The following SPATA17 variants were observed in gnomAD, a reference collection of about 807,000 sequenced individuals.
The protein encoded by SPATA17 is spermatogenesis associated 17.
SPATA17 carries 53 observed loss-of-function variants against 62.2 expected under a neutral mutation model. The observed-to-expected ratio is 0.85, with a 90% CI of 0.68 to 1.07. The LOEUF (loss-of-function observed/expected upper bound fraction) is 1.07. Ranked by LOEUF, SPATA17 falls within the 50% of genes least tolerant of loss-of-function variation. The pLI, the probability that SPATA17 is intolerant of heterozygous loss-of-function variation, is 0.00. For missense variants in SPATA17, 466 were observed against 425.5 expected (o/e 1.10, Z -0.84); for synonymous variants, 146 against 146.8 (o/e 0.99, Z 0.04).
chr1:217,632,177 T>C (rs1296223329), intron 1 of SPATA17, among the ~76,000 whole-genome samples: 1 of 150,798 alleles, frequency 6.6e-6, no homozygotes, highest in Non-Finnish European at 1.5e-5. Flanking sequence ...ATTAAGACCC[T>C]GTCTCAATAA....
At chr1:217,796,497 G>T (rs555499409) in intron 8 of SPATA17, among the ~76,000 whole-genome samples, 62 of 152,122 alleles carry the variant, frequency 4.1e-4, no homozygotes, top group Non-Finnish European at 6.9e-4. Flanking sequence ...TTACTGTTTA[G>T]TTGAACAGAT....
At chr1:217,807,245 T>C (rs1000875544) in intron 9 of SPATA17, among the ~76,000 whole-genome samples, 1 of 141,820 alleles carries the variant, frequency 7.1e-6, no homozygotes, top group Admixed American at 7.0e-5. Flanking sequence ...GATACTGGGG[T>C]CTCCAAAAGA....
intron 5 of SPATA17, among the ~76,000 whole-genome samples, chr1:217,689,395 T>G (rs931326075): frequency 6.6e-6 from 1 of 151,860 alleles, no homozygotes; most frequent in African/African-American, 2.4e-5. Flanking sequence ...CCGGCTAATT[T>G]TCATATTTTT....
chr1:217,842,112 G>C (rs1166061592), intron 9 of SPATA17, among the ~76,000 whole-genome samples: 1 of 151,766 alleles, frequency 6.6e-6, no homozygotes, highest in East Asian at 1.9e-4. Flanking sequence ...TTCTGTTATA[G>C]TGAATTATGC....
At chr1:217,828,272 G>A (rs1286850939) in intron 9 of SPATA17, among the ~76,000 whole-genome samples, 1 of 151,746 alleles carries the variant, frequency 6.6e-6, no homozygotes, top group Non-Finnish European at 1.5e-5. Flanking sequence ...GAAATAAATT[G>A]AAACATATGT....
At chr1:217,776,310 C>T (rs1673587484) in intron 7 of SPATA17, among the ~76,000 whole-genome samples, 1 of 152,162 alleles carries the variant, frequency 6.6e-6, no homozygotes, top group Non-Finnish European at 1.5e-5. Context: ...CATGTAGTAT[C>T]AACTACCTTG....
intron 5 of SPATA17, among the ~76,000 whole-genome samples, chr1:217,686,327 A>G (rs1671213710): frequency 6.6e-6 from 1 of 152,154 alleles, no homozygotes; most frequent in Non-Finnish European, 1.5e-5. Context: ...AATTTATTAG[A>G]GTCCATTTTC....
At chr1:217,750,649 T>C (rs1262270528) in intron 6 of SPATA17, among the ~76,000 whole-genome samples, 1 of 152,186 alleles carries the variant, frequency 6.6e-6, no homozygotes, top group Non-Finnish European at 1.5e-5. Flanking sequence ...GGGAGGTAGA[T>C]TCATACGTTT....
intron 3 of SPATA17, 100 bp from the exon 4 acceptor site, chr1:217,668,933 A>C: frequency 2.0e-6 from 2 of 995,438 alleles, no homozygotes; most frequent in Non-Finnish European, 1.5e-6. Context: ...AACTCTTATT[A>C]TGTATTATGT....
At chr1:217,671,857 CAA>C (rs1670838082) in intron 4 of SPATA17, among the ~76,000 whole-genome samples, 1 of 152,148 alleles carries the variant, frequency 6.6e-6, no homozygotes, top group African/African-American at 2.4e-5. Flanking sequence ...ATTTCTCTAA[CAA>C]AGAAGTTCAA....
intron 6 of SPATA17, 114 bp downstream of exon 6, chr1:217,742,212 C>G: frequency 7.4e-7 from 1 of 1,343,248 alleles, no homozygotes; most frequent in East Asian, 2.3e-5. Flanking sequence ...CACAAAGACA[C>G]TACTTCGAGT....
intron 6 of SPATA17, among the ~76,000 whole-genome samples, chr1:217,754,158 C>A (rs952283717): frequency 6.6e-6 from 1 of 151,870 alleles, no homozygotes; most frequent in Non-Finnish European, 1.5e-5. Flanking sequence ...TTAATTAAGC[C>A]CAGGAGGTCG....
At chr1:217,647,938 G>C (rs1385978201) in intron 1 of SPATA17, among the ~76,000 whole-genome samples, 1 of 152,054 alleles carries the variant, frequency 6.6e-6, no homozygotes, top group Non-Finnish European at 1.5e-5. Flanking sequence ...GGCCAGGCTA[G>C]TCTCGAAATC....
chr1:217,823,019 A>C (rs1254204882), intron 9 of SPATA17, among the ~76,000 whole-genome samples: 4 of 151,214 alleles, frequency 2.6e-5, no homozygotes, highest in Non-Finnish European at 5.9e-5. Flanking sequence ...GTTATGTTTC[A>C]ATTTTTGTTT....
intron 6 of SPATA17, among the ~76,000 whole-genome samples, chr1:217,767,390 C>T (rs1673325985): frequency 6.6e-6 from 1 of 151,332 alleles, no homozygotes; most frequent in Non-Finnish European, 1.5e-5. Flanking sequence ...CTTTCTGGGT[C>T]TGTGATTTGG....
intron 6 of SPATA17, among the ~76,000 whole-genome samples, chr1:217,748,139 A>G (rs908147932): frequency 3.3e-5 from 5 of 151,434 alleles, no homozygotes; most frequent in Non-Finnish European, 4.4e-5. Context: ...CCGTCTCTAC[A>G]AAAAATACAA....
At position 217,867,070 on chromosome 1, in the gene SPATA17, T is replaced by G. The variant is rs936630731; in HGVS notation, c.*51T>G. On this transcript the variant is annotated 3_prime_UTR_variant, in exon 11 of 11. Coordinates refer to ENST00000366933, the MANE Select transcript of SPATA17 (RefSeq NM_138796.4). ...CATCTGCATTTTAAAACTTAACAGT[T>G]CTGAAAGGAAAACACAGATGAAGAT... 20 of 152,126 alleles carry G rather than the reference T, an allele frequency of 1.3e-4. No individual in the cohort carries two copies. Among genetic ancestry groups the G allele is most frequent in the African/African-American group, 4.8e-4 (20 of 41,436 alleles). 9.4% of individuals were successfully genotyped at this position (152,126 alleles called of 1,614,324 possible).
chr1:217,795,929 C>T (rs1674143000), intron 8 of SPATA17, among the ~76,000 whole-genome samples: 2 of 152,094 alleles, frequency 1.3e-5, no homozygotes, highest in African/African-American at 4.8e-5. Flanking sequence ...TCTCTAGTAG[C>T]TGAGACTACA....
intron 9 of SPATA17, chr1:217,850,335 T>C: frequency 3.8e-6 from 2 of 528,064 alleles, no homozygotes; most frequent in Non-Finnish European, 6.6e-6. Context: ...TAAACTTAAG[T>C]GGGGGCAGAT....
Sources: gnomAD v4.1 joint callset for allele counts (sites outside exome capture counted in the v4.1 genomes callset) on GRCh38, gnomAD v4.1.1 for gene constraint, MANE v1.5 for transcripts, NCBI Gene and HGNC (gene_info 2026-07-23, HGNC 2026-07-21) for gene names.